PCDHGB3: variants seen among roughly 807,000 people sequenced by gnomAD.
PCDHGB3 encodes the protein protocadherin gamma-B3.
A neutral mutation model predicts 59.2 loss-of-function variants in PCDHGB3; 40 were observed. That is an observed-to-expected ratio of 0.68 (90% confidence interval 0.52 to 0.88). The LOEUF (loss-of-function observed/expected upper bound fraction) is 0.88, where lower values mean the gene tolerates loss of function less well. PCDHGB3 is among the 40% of genes least tolerant of loss of function. The pLI is 0.00. For synonymous variants in PCDHGB3, 581 were observed against 503.6 expected, an observed-to-expected ratio of 1.15 and a Z score of -2.06; for missense variants, 1,309 against 1,187.9, an observed-to-expected ratio of 1.10 and a Z score of -1.50.
intron 3 of PCDHGB3, among the ~76,000 whole-genome samples, chr5:141,507,772 A>C (rs2099863177): frequency 6.6e-6 from 1 of 152,332 alleles, no homozygotes; most frequent in South Asian, 2.1e-4. Flanking sequence ...TGGCCCACAC[A>C]GGGCCTGACC....
At chr5:141,504,302 C>T (rs969760258) in intron 2 of PCDHGB3, among the ~76,000 whole-genome samples, 9 of 152,004 alleles carry the variant, frequency 5.9e-5, no homozygotes, top group African/African-American at 1.5e-4. Context: ...TTTCAACACT[C>T]GGAGTTTCTA....
chr5:141,478,941 A>G (rs889484528), intron 1 of PCDHGB3: 2 of 589,470 alleles, frequency 3.4e-6, no homozygotes, highest in Non-Finnish European at 5.6e-6. Context: ...TTCTAGGAAT[A>G]CAAAAACTAC....
At chr5:141,425,069 A>C (rs771114613) in intron 1 of PCDHGB3, among the ~76,000 whole-genome samples, 30 of 152,170 alleles carry the variant, frequency 2.0e-4, no homozygotes, top group Non-Finnish European at 4.1e-4. Context: ...GACAAAAATA[A>C]TTTCAACTGT....
intron 1 of PCDHGB3, chr5:141,383,770 A>G (rs776707003): frequency 6.2e-7 from 1 of 1,613,890 alleles, no homozygotes; most frequent in East Asian, 2.2e-5. Context: ...ACTTCCAAAG[A>G]TGTTTCATCT....
At chr5:141,421,638 C>G (rs775131295) in intron 1 of PCDHGB3, 2 of 1,613,770 alleles carry the variant, frequency 1.2e-6, no homozygotes, top group South Asian at 1.1e-5. Context: ...TCCAGGAGGA[C>G]GAAGTGGAGA....
chr5:141,422,907 G>C (rs1330364637), intron 1 of PCDHGB3: 4 of 1,614,078 alleles, frequency 2.5e-6, no homozygotes, highest in Non-Finnish European at 3.4e-6. Flanking sequence ...ACGACAATGC[G>C]CCCGAGATCC....
At chr5:141,430,945 C>G (rs1466092130) in intron 1 of PCDHGB3, 1 of 1,609,234 alleles carries the variant, frequency 6.2e-7, no homozygotes, top group Non-Finnish European at 8.5e-7. Context: ...TCGCGGAGCG[C>G]GGAGTCCGCA....
intron 1 of PCDHGB3, chr5:141,410,091 G>A: frequency 8.7e-6 from 14 of 1,612,518 alleles, no homozygotes; most frequent in African/African-American, 1.3e-5. Flanking sequence ...CGCACGGCTC[G>A]AGCCTTAGGC....
chr5:141,402,897 C>T (rs1177256058), intron 1 of PCDHGB3: 6 of 1,508,528 alleles, frequency 4.0e-6, no homozygotes, highest in Admixed American at 4.7e-5. Flanking sequence ...AAGAAAGAAC[C>T]TGATGAAGCA....
chr5:141,431,642 G>A lies in PCDHGB3; in HGVS notation c.2415+58833G>A, dbSNP rs762914489. The A allele has an allele frequency of 6.2e-7, 1 of 1,614,272 alleles. No homozygotes were observed. The highest frequency in any genetic ancestry group is 1.1e-5 in the South Asian group (1 of 91,090). On this transcript the variant is annotated intron_variant, in intron 1 of 3. Transcript: ENST00000576222. This position sits in a 1 kb window ranked among gnomAD's most constrained non-coding sequence, Gnocchi z 4.8. ...CAAGGCGGCCCAAGTTTTCAAACTA[G>A]ATTGTAATTCAGGGACAATATCAAC... is the stretch of plus-strand genomic sequence containing the variant.
chr5:141,473,680 C>T (rs888876529), intron 1 of PCDHGB3, among the ~76,000 whole-genome samples: 3 of 152,100 alleles, frequency 2.0e-5, no homozygotes, highest in Non-Finnish European at 2.9e-5. Flanking sequence ...CAGGGAAGGG[C>T]TGGGGTTCTG....
intron 1 of PCDHGB3, chr5:141,388,337 A>C: frequency 6.2e-7 from 1 of 1,613,990 alleles, no homozygotes; most frequent in Non-Finnish European, 8.5e-7. Context: ...CTGGCACACG[A>C]TTTATATTAG....
At chr5:141,391,803 G>A (rs953210867) in intron 1 of PCDHGB3, 5 of 152,172 alleles carry the variant, frequency 3.3e-5, no homozygotes, top group African/African-American at 1.2e-4. Flanking sequence ...TTAGATCAAA[G>A]TGTTAATGTA....
In PCDHGB3 at chr5:141,489,750, C is replaced by A. The variant is rs753217170; in HGVS notation, c.2416-5057C>A. 1 of 1,614,098 alleles carries A rather than the reference C, an allele frequency of 6.2e-7. No individual in the cohort carries two copies. The highest frequency in any genetic ancestry group is 1.1e-5 in the South Asian group (1 of 91,080). Reference sequence around the variant, plus strand: ...TGGGCACCAATACTGTGAGCTTTTACACTCTAAGCCCCAACAGCCACTTCT... The same window carrying A: ...TGGGCACCAATACTGTGAGCTTTTAAACTCTAAGCCCCAACAGCCACTTCT... On this transcript the variant is annotated intron_variant, in intron 1 of 3. Coordinates refer to ENST00000576222, the MANE Select transcript of PCDHGB3 (RefSeq NM_018924.5). This position sits in a 1 kb window ranked among gnomAD's most constrained non-coding sequence, Gnocchi z 4.5.
intron 1 of PCDHGB3, among the ~76,000 whole-genome samples, chr5:141,479,992 G>A (rs1336315766): frequency 6.6e-6 from 1 of 152,204 alleles, no homozygotes; most frequent in Non-Finnish European, 1.5e-5. Context: ...CCAACTAGGA[G>A]TCTGTGGCCA....
Position 141,372,011 on chromosome 5 carries a change from G to C in PCDHGB3, c.1617G>C (p.Ser539=), listed in dbSNP as rs759270061. Residue 539 remains serine (S), a synonymous_variant, in exon 1 of 4, where the codon TCG becomes TCC. Coordinates refer to ENST00000576222, the MANE Select transcript of PCDHGB3 (RefSeq NM_018924.5). ...ELTLQARDQG[S]PTLSANVSLR... Reference sequence around the variant, plus strand: ...CTCTGCAGGCCCGCGACCAGGGCTCGCCTACGCTCAGCGCCAACGTGAGCC... The same window carrying C: ...CTCTGCAGGCCCGCGACCAGGGCTCCCCTACGCTCAGCGCCAACGTGAGCC... The C allele has an allele frequency of 6.2e-7, 1 of 1,613,176 alleles. No homozygotes were observed. Among genetic ancestry groups the C allele is most frequent in the Non-Finnish European group, 8.5e-7 (1 of 1,179,750 alleles).
At position 141,485,069 on chromosome 5, in the gene PCDHGB3, G is replaced by A. The variant is rs1185236732; in HGVS notation, c.2416-9738G>A. 1.1e-6 allele frequency: 1 copy of A among 905,912 alleles called. No homozygotes were observed. Among genetic ancestry groups the A allele is most frequent in the Non-Finnish European group, 1.7e-6 (1 of 577,940 alleles). The allele number at this position is 905,912 out of a possible 1,614,324, so 56.1% of individuals were successfully genotyped here. A position where few individuals can be genotyped will look rare whatever the true frequency, so the allele number is the denominator to read the frequency against. On this transcript the variant is annotated intron_variant, in intron 1 of 3. Coordinates refer to ENST00000576222, the MANE Select transcript of PCDHGB3 (RefSeq NM_018924.5). This position sits in a 1 kb window ranked among gnomAD's most constrained non-coding sequence, Gnocchi z 5.7. ...GCGCCGGCCGAACCGCGCCAGAGCTGGCGCGGGGAAAGGGAGATAGGTGTC... is the reference window on the plus strand; with the variant it reads ...GCGCCGGCCGAACCGCGCCAGAGCTAGCGCGGGGAAAGGGAGATAGGTGTC...
At chr5:141,416,245 C>T (rs1029299377) in intron 1 of PCDHGB3, 1 of 152,234 alleles carries the variant, frequency 6.6e-6, no homozygotes, top group Non-Finnish European at 1.5e-5. Flanking sequence ...CTATTTATAA[C>T]TGATAACACT....
intron 1 of PCDHGB3, among the ~76,000 whole-genome samples, chr5:141,381,312 A>G (rs1365514844): frequency 1.3e-5 from 2 of 152,240 alleles, no homozygotes; most frequent in African/African-American, 4.8e-5. Flanking sequence ...ATTCTCTTTT[A>G]TTCTGCAACT....
Sources: gnomAD v4.1 joint callset for allele counts (sites outside exome capture counted in the v4.1 genomes callset) on GRCh38, gnomAD v4.1.1 for gene constraint, Gnocchi (gnomAD v3.1) non-coding constraint, MANE v1.5 for transcripts, NCBI Gene and HGNC (gene_info 2026-07-23, HGNC 2026-07-21) for gene names.